ASIC2: variants seen among roughly 807,000 people sequenced by gnomAD.
ASIC2 encodes the protein acid-sensing ion channel 2.
In ASIC2, 25 loss-of-function variants were observed where a neutral mutation model predicts 57.3. That is an observed-to-expected ratio of 0.44 (90% confidence interval 0.32 to 0.61). The LOEUF is 0.61. Ranked by LOEUF, ASIC2 falls within the 20% of genes least tolerant of loss-of-function variation. The pLI is 0.06. For synonymous variants in ASIC2, 319 were observed against 307.5 expected, an observed-to-expected ratio of 1.04 and a Z score of -0.39; for missense variants, 641 against 738.1, an observed-to-expected ratio of 0.87 and a Z score of 1.52.
chr17:33,545,249 G>A (rs1272417278), intron 1 of ASIC2, among the ~76,000 whole-genome samples: 1 of 152,076 alleles, frequency 6.6e-6, no homozygotes, highest in Non-Finnish European at 1.5e-5. Context: ...GGTTCTATAT[G>A]TTAAGCAATG....
chr17:33,087,154 G>A (rs2092137405), intron 3 of ASIC2, among the ~76,000 whole-genome samples: 2 of 152,178 alleles, frequency 1.3e-5, no homozygotes, highest in South Asian at 4.1e-4. Flanking sequence ...AGCTCACCCA[G>A]GCTGCCTGTC....
chr17:33,113,226 ACCTCGCAG>A, intron 1 of ASIC2, among the ~76,000 whole-genome samples: 1 of 151,928 alleles, frequency 6.6e-6, no homozygotes, highest in East Asian at 1.9e-4. Flanking sequence ...ACCAAATAAA[ACCTCGCAG>A]CCTCAATGTC....
chr17:33,599,408 A>G (rs532462755), intron 1 of ASIC2, among the ~76,000 whole-genome samples: 138 of 152,302 alleles, frequency 9.1e-4, no homozygotes, highest in African/African-American at 3.2e-3. Context: ...GCCCTGTCTC[A>G]GGACATGTAG....
intron 1 of ASIC2, among the ~76,000 whole-genome samples, chr17:34,078,388 A>AG (rs1909749546): frequency 6.6e-6 from 1 of 152,120 alleles, no homozygotes; most frequent in South Asian, 2.1e-4. Context: ...TGAGCCCATG[A>AG]GGGGGCGAAA....
At chr17:33,435,532 C>G (rs949924106) in intron 1 of ASIC2, among the ~76,000 whole-genome samples, 1 of 152,106 alleles carries the variant, frequency 6.6e-6, no homozygotes, top group African/African-American at 2.4e-5. Flanking sequence ...CCTCCTACCC[C>G]CACTGCCGCC....
intron 1 of ASIC2, among the ~76,000 whole-genome samples, chr17:33,243,622 G>A (rs1908588618): frequency 6.6e-6 from 1 of 152,104 alleles, no homozygotes; most frequent in Admixed American, 6.5e-5. Context: ...GATGTTGAGG[G>A]AATTCAACAT....
intron 1 of ASIC2, among the ~76,000 whole-genome samples, chr17:33,519,181 G>A (rs1314454872): frequency 6.6e-6 from 1 of 152,224 alleles, no homozygotes; most frequent in African/African-American, 2.4e-5. Flanking sequence ...GCACAGAGAG[G>A]TGAAGTAGCT....
intron 1 of ASIC2, among the ~76,000 whole-genome samples, chr17:33,193,408 A>G (rs946248689): frequency 6.6e-6 from 1 of 152,124 alleles, no homozygotes; most frequent in Non-Finnish European, 1.5e-5. Context: ...CAGAGTCTAT[A>G]TATAGCGCTC....
At chr17:33,806,283 C>T (rs12603890) in intron 1 of ASIC2, among the ~76,000 whole-genome samples, 11,338 of 152,304 alleles carry the variant, frequency 0.074, 469 homozygotes, top group East Asian at 0.19. Flanking sequence ...ATAAATGTGG[C>T]TCTGTTCCAA....
At chr17:33,949,781 G>T (rs533592800) in intron 1 of ASIC2, among the ~76,000 whole-genome samples, 1 of 152,194 alleles carries the variant, frequency 6.6e-6, no homozygotes, top group Non-Finnish European at 1.5e-5. Flanking sequence ...AAATGGAAGA[G>T]ATAGTCATAG....
chr17:33,562,364 T>C (rs978421885), intron 1 of ASIC2, among the ~76,000 whole-genome samples: 7 of 152,228 alleles, frequency 4.6e-5, no homozygotes, highest in Admixed American at 1.3e-4. Flanking sequence ...TTAGAAATGC[T>C]TGTTAAATGA....
At chr17:33,679,478 C>G (rs1437616908) in intron 1 of ASIC2, among the ~76,000 whole-genome samples, 1 of 152,174 alleles carries the variant, frequency 6.6e-6, no homozygotes, top group East Asian at 1.9e-4. Context: ...TGGGGGCCTA[C>G]CTTGTACTGG....
At chr17:33,750,602 G>T (rs910278914) in intron 1 of ASIC2, among the ~76,000 whole-genome samples, 1 of 152,132 alleles carries the variant, frequency 6.6e-6, no homozygotes, top group African/African-American at 2.4e-5. Flanking sequence ...TAATAACTCC[G>T]AACAGTGCCC....
chr17:33,465,852 G>A (rs926652935), intron 1 of ASIC2, among the ~76,000 whole-genome samples: 33 of 152,330 alleles, frequency 2.2e-4, no homozygotes, highest in African/African-American at 7.9e-4. Context: ...AACTTATGTG[G>A]AGATGTGTAG....
intron 1 of ASIC2, among the ~76,000 whole-genome samples, chr17:34,052,019 G>A (rs1373579701): frequency 1.3e-5 from 2 of 152,264 alleles, no homozygotes; most frequent in South Asian, 2.1e-4. Context: ...AATAGAGATG[G>A]ATTAGTAGGT....
intron 1 of ASIC2, among the ~76,000 whole-genome samples, chr17:33,531,812 G>T (rs1456311732): frequency 6.6e-6 from 1 of 152,094 alleles, no homozygotes; most frequent in Non-Finnish European, 1.5e-5. Context: ...TGAGGTGCTC[G>T]AGGTTGGGAA....
intron 1 of ASIC2, among the ~76,000 whole-genome samples, chr17:33,479,993 C>G (rs1404989739): frequency 6.6e-6 from 1 of 152,190 alleles, no homozygotes; most frequent in Non-Finnish European, 1.5e-5. Context: ...GAACGCTTTG[C>G]CTTCATACCC....
At chr17:34,099,213 GAAAGA>G (rs1489450239) in intron 1 of ASIC2, among the ~76,000 whole-genome samples, 6 of 101,710 alleles carry the variant, frequency 5.9e-5, no homozygotes, top group Non-Finnish European at 9.5e-5. Context: ...AGAAAGAAAG[GAAAGA>G]AAAGAAAGAA....
At chr17:33,164,707 C>T (rs1018103322) in intron 1 of ASIC2, among the ~76,000 whole-genome samples, 2 of 152,220 alleles carry the variant, frequency 1.3e-5, no homozygotes, top group Non-Finnish European at 2.9e-5. Context: ...CCTTTGGAAT[C>T]ATAACCCACT....
Sources: allele counts gnomAD v4.1 joint callset (sites outside exome capture counted in the v4.1 genomes callset), GRCh38; gene constraint gnomAD v4.1.1; transcripts MANE v1.5; gene names NCBI Gene and HGNC (gene_info 2026-07-23, HGNC 2026-07-21).